RIMS3: variants seen among roughly 807,000 people sequenced by gnomAD.
RIMS3 encodes regulating synaptic membrane exocytosis 3.
Under a neutral mutation model 29.2 loss-of-function variants are expected in RIMS3, and 15 were observed. The observed-to-expected ratio is 0.51, with a 90% CI of 0.34 to 0.79. The LOEUF (loss-of-function observed/expected upper bound fraction) is 0.79, where lower values mean the gene tolerates loss of function less well. RIMS3 is among the 30% of genes least tolerant of loss of function. RIMS3 has a pLI of 0.01. For missense variants in RIMS3, 342 were observed against 421.4 expected (o/e 0.81, Z 1.65); for synonymous variants, 161 against 170.1 (o/e 0.95, Z 0.41).
chr1:40,648,199 G>A (rs2148354022), intron 1 of RIMS3, among the ~76,000 whole-genome samples: 1 of 152,272 alleles, frequency 6.6e-6, no homozygotes, highest in South Asian at 2.1e-4. Context: ...CAGACACTCT[G>A]TGACATGCCA....
intron 1 of RIMS3, among the ~76,000 whole-genome samples, chr1:40,658,393 A>G (rs981313084): frequency 2.0e-5 from 3 of 152,280 alleles, no homozygotes; most frequent in East Asian, 3.9e-4. Flanking sequence ...TGCTGTCCAG[A>G]TGGAAGTTTG....
rs946258480 is a variant in RIMS3, at chr1:40,654,270, C to T, written c.-206-6428G>A. ...ACCAAGCCGGAAGGCGCCGCCCGCG[C>T]CTGCTGCCCACCCTGGGGACCCTCC... On this transcript the variant is annotated intron_variant, in intron 1 of 7. Transcript: ENST00000372684. The surrounding 1 kb of genome is among the most constrained non-coding windows in gnomAD (Gnocchi z 5.3). Among the ~76,000 whole-genome samples, 17 of 152,186 alleles carry T rather than the reference C, an allele frequency of 1.1e-4. No individual in the cohort carries two copies. Among genetic ancestry groups the T allele is most frequent in the African/African-American group, 3.9e-4 (16 of 41,434 alleles).
chr1:40,652,540 G>C (rs969059778), intron 1 of RIMS3, among the ~76,000 whole-genome samples: 1 of 152,212 alleles, frequency 6.6e-6, no homozygotes, highest in Non-Finnish European at 1.5e-5. Flanking sequence ...AGGAGAGGCA[G>C]AGGTGGCTCT....
intron 1 of RIMS3, among the ~76,000 whole-genome samples, chr1:40,652,314 G>C (rs1642179862): frequency 1.3e-5 from 2 of 152,206 alleles, no homozygotes; most frequent in Non-Finnish European, 2.9e-5. Flanking sequence ...AGCTTGCTCT[G>C]ATCCATGGGT....
In RIMS3 at chr1:40,657,944, A is replaced by C. The variant is rs115026667; in HGVS notation, c.-207+7450T>G. On this transcript the variant is annotated intron_variant, in intron 1 of 7. Coordinates refer to ENST00000372684, the MANE Select transcript of RIMS3 (RefSeq NM_014747.3). ...AAATTTATATGTTTTAAAAAAATAA[A>C]ATAAAATGGGAATAATAATAGTACC... Among the ~76,000 whole-genome samples the C allele has an allele frequency of 3.8e-3, 581 of 152,214 alleles. 5 individuals are homozygous for C. The highest frequency in any genetic ancestry group is 0.013 in the African/African-American group (552 of 41,502).
At chr1:40,670,010 TCTC>T (rs1642472373), upstream of RIMS3, among the ~76,000 whole-genome samples, 1 of 152,124 alleles carries the variant, frequency 6.6e-6, no homozygotes, top group South Asian at 2.1e-4. Flanking sequence ...CCCTCTTGCC[TCTC>T]CTCTAGTCCA....
chr1:40,667,806 C>T (rs183502635), upstream of RIMS3, among the ~76,000 whole-genome samples: 2,902 of 152,308 alleles, frequency 0.019, 98 homozygotes, highest in African/African-American at 0.066. Context: ...ATGGATCCAG[C>T]CCCACAAGGG....
chr1:40,656,971 T>A (rs1161845530), intron 1 of RIMS3, among the ~76,000 whole-genome samples: 1 of 152,206 alleles, frequency 6.6e-6, no homozygotes, highest in African/African-American at 2.4e-5. Flanking sequence ...GTCCACCTCT[T>A]GCAGGAGTTC....
chr1:40,684,137 C>A, the RIMS3 span, among the ~76,000 whole-genome samples: 6 of 152,186 alleles, frequency 3.9e-5, no homozygotes, highest in African/African-American at 1.4e-4. Flanking sequence ...TGAATGGAGG[C>A]AACTTGGGAC....
chr1:40,671,695 G>T, the RIMS3 span, among the ~76,000 whole-genome samples: 1 of 151,532 alleles, frequency 6.6e-6, no homozygotes, highest in African/African-American at 2.4e-5. Flanking sequence ...GCAGATGCTA[G>T]TATCATGCTT....
rs879323333 is a variant in RIMS3 at position 40,626,821 on chromosome 1, CAGATGGAGCAG to C, written c.715-103_715-93del. The C allele has an allele frequency of 2.9e-4, 333 of 1,132,196 alleles. 1 individual carries two copies. The East Asian group carries it at 7.9e-3, about 27-fold the overall frequency. 70.1% of individuals were successfully genotyped at this position (1,132,196 alleles called of 1,614,324 possible). On this transcript the variant is annotated intron_variant, in intron 7 of 7. Transcript: ENST00000372684. ...GGAACCTACACGTTTCAGCAGGGCA[CAGATGGAGCAG>C]AGGGAGCCAGAACTCAAGACTGATT...
Position 40,641,760 on chromosome 1 carries a change from T to C in RIMS3, c.166A>G (p.Ile56Val), listed in dbSNP as rs766770083. The C allele has an allele frequency of 6.2e-7, 1 of 1,613,894 alleles. No homozygotes were observed. The highest frequency in any genetic ancestry group is 1.1e-5 in the South Asian group (1 of 91,074). ...TTGCTCCACTGAGTCAGGCCCACGA[T>C]GGCCACCATCTTGGCACCCAGGCTG... ...RSSLGAKMVA[I>V]VGLTQWSKST... is the part of the protein sequence containing the mutation. Residue 56 changes from isoleucine to valine, a missense_variant, in exon 3 of 8, where the codon ATC becomes GTC. Physicochemically the swap from Ile to Val is conservative, Grantham distance 29. Coordinates refer to ENST00000372684, the MANE Select transcript of RIMS3 (RefSeq NM_014747.3).
At chr1:40,630,019 C>T (rs1646479002) in intron 5 of RIMS3, among the ~76,000 whole-genome samples, 1 of 148,974 alleles carries the variant, frequency 6.7e-6, no homozygotes, top group African/African-American at 2.5e-5. Context: ...TTGTAGTGGG[C>T]CAAGATTGCA....
chr1:40,648,892 A>C lies in RIMS3; in HGVS notation c.-206-1050T>G, dbSNP rs575278351. ...TCTGGCATCTAAGACCCCTGGCCCA[A>C]ACCTAATCCAGCACCAGGATGGCCC... On this transcript the variant is annotated intron_variant, in intron 1 of 7. Coordinates refer to ENST00000372684, the MANE Select transcript of RIMS3 (RefSeq NM_014747.3). Among the ~76,000 whole-genome samples the C allele has an allele frequency of 3.9e-5, 6 of 152,314 alleles. No homozygotes were observed. The South Asian group carries it at 6.2e-4, about 16-fold the overall frequency.
chr1:40,623,590 C>G lies in RIMS3; in HGVS notation c.*2927G>C. The G allele has an allele frequency of 2.5e-6, 1 of 398,500 alleles. No individual in the cohort carries two copies. Among genetic ancestry groups the G allele is most frequent in the Admixed American group, 4.4e-5 (1 of 22,732 alleles). 24.7% of individuals were successfully genotyped at this position (398,500 alleles called of 1,614,324 possible). ...ATCTGGGCAAGGGGGCATTTGGAGC[C>G]GGGACACTGAACATGGCAGTGAGTT... On this transcript the variant is annotated 3_prime_UTR_variant, in exon 8 of 8. Transcript: ENST00000372684.
intron 1 of RIMS3, among the ~76,000 whole-genome samples, chr1:40,662,868 G>T (rs1307632578): frequency 2.6e-5 from 4 of 152,182 alleles, no homozygotes; most frequent in Non-Finnish European, 4.4e-5. Flanking sequence ...TGCCTGAAGT[G>T]GTAACAGGTT....
intron 2 of RIMS3, among the ~76,000 whole-genome samples, chr1:40,646,645 C>A (rs1283294708): frequency 6.6e-6 from 1 of 152,152 alleles, no homozygotes; most frequent in Non-Finnish European, 1.5e-5. Context: ...TCCAGGGAGA[C>A]AGCTACTGCC....
At chr1:40,656,813 A>C (rs1393175624) in intron 1 of RIMS3, among the ~76,000 whole-genome samples, 1 of 151,866 alleles carries the variant, frequency 6.6e-6, no homozygotes, top group Non-Finnish European at 1.5e-5. Context: ...GACACACTAG[A>C]AACTACACTG....
chr1:40,638,336 C>T (rs1378451272), intron 3 of RIMS3, among the ~76,000 whole-genome samples: 1 of 152,188 alleles, frequency 6.6e-6, no homozygotes, highest in Admixed American at 6.5e-5. Flanking sequence ...GAGACGATCC[C>T]TCCACTGGCT....
Sources: allele counts gnomAD v4.1 joint callset (sites outside exome capture counted in the v4.1 genomes callset), GRCh38; gene constraint gnomAD v4.1.1; non-coding constraint Gnocchi (gnomAD v3.1); transcripts MANE v1.5; gene names NCBI Gene and HGNC (gene_info 2026-07-23, HGNC 2026-07-21).